The following UBAP1 variants were observed in gnomAD, a reference collection of about 807,000 sequenced individuals.
UBAP1 encodes ubiquitin associated protein 1, also known as ubiquitin-associated protein 1.
Under a neutral mutation model 39.0 loss-of-function variants are expected in UBAP1, and 5 were observed. That is an observed-to-expected ratio of 0.13 (90% CI 0.07 to 0.27). The LOEUF is 0.27. UBAP1 is among the 10% of genes least tolerant of loss of function. UBAP1 has a pLI of 1.00. For synonymous variants in UBAP1, 211 were observed against 225.1 expected (o/e 0.94, Z 0.56); for missense variants, 490 against 608.1 (o/e 0.81, Z 2.04).
intron 3 of UBAP1, among the ~76,000 whole-genome samples, chr9:34,235,735 T>G (rs1833664549): frequency 2.0e-5 from 3 of 152,144 alleles, no homozygotes; most frequent in Admixed American, 2.0e-4. Context: ...CCTTCACATT[T>G]ACCATTCGCT....
chr9:34,223,353 C>T (rs1032819899), intron 2 of UBAP1, among the ~76,000 whole-genome samples: 1 of 151,256 alleles, frequency 6.6e-6, no homozygotes, highest in African/African-American at 2.4e-5. Flanking sequence ...TCGCTTGAAC[C>T]TGGGAGGCAG....
At chr9:34,222,961 A>C (rs1483305049) in intron 2 of UBAP1, among the ~76,000 whole-genome samples, 1 of 152,120 alleles carries the variant, frequency 6.6e-6, no homozygotes, top group African/African-American at 2.4e-5. Context: ...AAAAATGAAA[A>C]ATTTACACTT....
At chr9:34,247,762 C>T (rs761742263) in intron 4 of UBAP1, among the ~76,000 whole-genome samples, 4 of 152,038 alleles carry the variant, frequency 2.6e-5, no homozygotes, top group Non-Finnish European at 4.4e-5. Context: ...AATTAACAGT[C>T]GTATGTTCAT....
chr9:34,209,583 T>C (rs1454828256), intron 1 of UBAP1, among the ~76,000 whole-genome samples: 2 of 152,344 alleles, frequency 1.3e-5, no homozygotes, highest in East Asian at 3.9e-4. Context: ...AAACACCTGT[T>C]ACGTACTCCA....
intron 1 of UBAP1, among the ~76,000 whole-genome samples, chr9:34,207,294 C>T (rs535315432): frequency 1.7e-4 from 26 of 151,188 alleles, no homozygotes; most frequent in Non-Finnish European, 3.2e-4. Context: ...GATCTACCCA[C>T]CTCAGCCTCC....
rs1174042992 is a variant in UBAP1 at position 34,250,823 on chromosome 9, T to C, written c.1368+64T>C. On this transcript the variant is annotated intron_variant, in intron 6 of 6. Transcript: ENST00000297661. ...GGAGGGACCAAGTATCCATCCTGGTTTTCTCCCTTGGCCCACACACAACCT... is the reference window on the plus strand; with the variant it reads ...GGAGGGACCAAGTATCCATCCTGGTCTTCTCCCTTGGCCCACACACAACCT... The C allele has an allele frequency of 2.8e-6, 4 of 1,417,828 alleles. No individual in the cohort carries two copies. The African/African-American group carries it at 5.6e-5, about 20-fold the overall frequency. 87.8% of individuals were successfully genotyped at this position (1,417,828 alleles called of 1,614,324 possible).
chr9:34,249,374 T>C (rs886842955), intron 4 of UBAP1, among the ~76,000 whole-genome samples: 1 of 152,062 alleles, frequency 6.6e-6, no homozygotes, highest in Admixed American at 6.6e-5. Context: ...AACTGATACT[T>C]CAGCCTGGGA....
intron 2 of UBAP1, among the ~76,000 whole-genome samples, chr9:34,229,018 A>G (rs568883834): frequency 2.0e-4 from 30 of 152,272 alleles, no homozygotes; most frequent in Non-Finnish European, 4.0e-4. Flanking sequence ...GATGTACTAA[A>G]TAAATCACCT....
At chr9:34,182,674 T>TCTTTCTC (rs1830143499) in intron 1 of UBAP1, among the ~76,000 whole-genome samples, 1 of 87,452 alleles carries the variant, frequency 1.1e-5, no homozygotes, top group South Asian at 5.0e-4. Flanking sequence ...TTTCTTTCTT[T>TCTTTCTC]CTTTCTTTCT....
At chr9:34,224,725 T>A (rs1182798204) in intron 2 of UBAP1, 2 of 236,816 alleles carry the variant, frequency 8.4e-6, no homozygotes, top group Non-Finnish European at 1.6e-5. Flanking sequence ...TGAAAGGCAG[T>A]AGATGGAGAA....
intron 1 of UBAP1, among the ~76,000 whole-genome samples, chr9:34,209,228 A>G (rs955827255): frequency 1.3e-5 from 2 of 152,140 alleles, no homozygotes; most frequent in African/African-American, 4.8e-5. Flanking sequence ...GGCGTGAGCC[A>G]CCACGCCTGG....
chr9:34,205,634 A>G lies in UBAP1; in HGVS notation c.-7-15274A>G, dbSNP rs1046333455. ...GCTTGGAGGATTAAGAGGAGACCAG[A>G]GCTAAGGGAAATCTTTGTCTGGATT... On this transcript the variant is annotated intron_variant, in intron 1 of 6. Transcript: ENST00000297661. Among the ~76,000 whole-genome samples, 10 of 152,172 alleles carry G rather than the reference A, an allele frequency of 6.6e-5. No individual in the cohort carries two copies. The East Asian group carries it at 1.7e-3, about 26-fold the overall frequency.
chr9:34,240,746 C>CT (rs11436545), intron 3 of UBAP1, among the ~76,000 whole-genome samples: 55,265 of 151,976 alleles, frequency 0.36, 11,161 homozygotes, highest in East Asian at 0.89. Flanking sequence ...ATTTAGCTAC[C>CT]AGCTTTATGC....
intron 1 of UBAP1, among the ~76,000 whole-genome samples, chr9:34,192,074 C>T (rs938781658): frequency 6.6e-6 from 1 of 151,208 alleles, no homozygotes; most frequent in Admixed American, 6.6e-5. Flanking sequence ...TAATTCCTGA[C>T]CTCAAGTGAT....
intron 1 of UBAP1, among the ~76,000 whole-genome samples, chr9:34,192,515 CAAAAAA>C (rs4008753): frequency 3.3e-4 from 35 of 107,478 alleles, no homozygotes; most frequent in Non-Finnish European, 4.8e-4. Flanking sequence ...GACTCCATCT[CAAAAAA>C]AAAAAAAAAA....
chr9:34,205,167 CCACCA>C (rs1487552748), intron 1 of UBAP1, among the ~76,000 whole-genome samples: 1 of 152,026 alleles, frequency 6.6e-6, no homozygotes, highest in Non-Finnish European at 1.5e-5. Flanking sequence ...CAGGTGTGTG[CCACCA>C]CACCTGGCCA....
At chr9:34,180,557 C>T (rs1829960949) in intron 1 of UBAP1, among the ~76,000 whole-genome samples, 1 of 151,132 alleles carries the variant, frequency 6.6e-6, no homozygotes, top group Non-Finnish European at 1.5e-5. Flanking sequence ...TGAAATGTGT[C>T]AAGTCTTAAA....
intron 1 of UBAP1, among the ~76,000 whole-genome samples, chr9:34,181,116 C>CTTTT (rs67856544): frequency 1.4e-5 from 1 of 72,238 alleles, no homozygotes. Context: ...GGCCTGTTTT[C>CTTTT]TTTTTTTTTT....
intron 1 of UBAP1, among the ~76,000 whole-genome samples, chr9:34,198,340 G>T (rs1226109361): frequency 6.6e-6 from 1 of 152,150 alleles, no homozygotes; most frequent in African/African-American, 2.4e-5. Context: ...TGATTTTTTT[G>T]CCTGGATGGG....
Sources: gnomAD v4.1 joint callset for allele counts (sites outside exome capture counted in the v4.1 genomes callset) on GRCh38, gnomAD v4.1.1 for gene constraint, MANE v1.5 for transcripts, NCBI Gene and HGNC (gene_info 2026-07-23, HGNC 2026-07-21) for gene names.